Variants in CRB1 observed in about 807,000 individuals in gnomAD.
The protein encoded by CRB1 is protein crumbs homolog 1.
In CRB1, 83 loss-of-function variants were observed where a neutral mutation model predicts 120.0. The observed-to-expected ratio is 0.69, with a 90% CI of 0.58 to 0.83. The LOEUF is 0.83. CRB1 is among the 40% of genes least tolerant of loss of function. The probability of loss-of-function intolerance (pLI) is 0.00; values close to 1 mark genes in which losing one functional copy is unlikely to be tolerated. For synonymous variants in CRB1, 625 were observed against 612.5 expected (o/e 1.02, Z -0.30); for missense variants, 1,699 against 1,687.6 (o/e 1.01, Z -0.12).
rs577999992 is a variant in CRB1, at chr1:197,320,997, T to C, written c.71-7425T>C. On this transcript the variant is annotated intron_variant, in intron 1 of 11. Coordinates refer to ENST00000367400, the MANE Select transcript of CRB1 (RefSeq NM_201253.3). ...AGAAGGATGTCAGCAACCATGCATC[T>C]CCTTCTCTCTGATTTCAAACAGTAC... Among the ~76,000 whole-genome samples the C allele has an allele frequency of 1.8e-4, 28 of 152,322 alleles. No individual in the cohort carries two copies. In the South Asian group the frequency reaches 5.8e-3, roughly 32 times the overall value.
At chr1:197,269,813 G>A (rs1056880638) in intron 1 of CRB1, among the ~76,000 whole-genome samples, 1 of 152,160 alleles carries the variant, frequency 6.6e-6, no homozygotes, top group Admixed American at 6.5e-5. Flanking sequence ...TTAATTAAAA[G>A]TATAGTAACT....
At chr1:197,222,628 CA>C in the CRB1 span, 1 of 774,368 alleles carries the variant, frequency 1.3e-6, no homozygotes, top group Non-Finnish European at 2.4e-6. Flanking sequence ...GTAGGGAAGG[CA>C]AACTCAGTGT....
intron 10 of CRB1, 48 bp downstream of exon 10, chr1:197,438,723 G>A: frequency 6.2e-7 from 1 of 1,604,682 alleles, no homozygotes; most frequent in Non-Finnish European, 8.5e-7. Flanking sequence ...GCTAAAGAAT[G>A]ATGGGATTAC....
chr1:197,265,446 TTCTC>T (rs1264985322), upstream of CRB1, among the ~76,000 whole-genome samples: 10 of 151,876 alleles, frequency 6.6e-5, no homozygotes, highest in Admixed American at 2.6e-4. Flanking sequence ...CTCCTCCTCT[TTCTC>T]TCTCTGTCTT....
At chr1:197,460,191 C>T (rs1310671073) in intron 11 of CRB1, among the ~76,000 whole-genome samples, 1 of 151,762 alleles carries the variant, frequency 6.6e-6, no homozygotes, top group Non-Finnish European at 1.5e-5. Context: ...AGCAAATTCC[C>T]TGGATCAGCA....
chr1:197,292,833 A>G (rs549362714), intron 1 of CRB1, among the ~76,000 whole-genome samples: 1 of 152,314 alleles, frequency 6.6e-6, no homozygotes, highest in Admixed American at 6.5e-5. Context: ...CAATAGATAC[A>G]GAAAAGGCCT....
chr1:197,221,342 T>C, the CRB1 span, among the ~76,000 whole-genome samples: 13 of 152,186 alleles, frequency 8.5e-5, no homozygotes, highest in Admixed American at 2.6e-4. Context: ...ATTTGATAAC[T>C]ATAGAATTAG....
chr1:197,470,516 G>A (rs775273295), intron 11 of CRB1, among the ~76,000 whole-genome samples: 4 of 152,180 alleles, frequency 2.6e-5, no homozygotes, highest in African/African-American at 4.8e-5. Context: ...ATATAACTGA[G>A]TTTGAGCTGC....
intron 11 of CRB1, among the ~76,000 whole-genome samples, chr1:197,457,758 C>T (rs927032966): frequency 6.6e-6 from 1 of 152,096 alleles, no homozygotes; most frequent in Non-Finnish European, 1.5e-5. Context: ...CTCAGAAGAA[C>T]AAAAAGCACA....
intron 11 of CRB1, among the ~76,000 whole-genome samples, chr1:197,454,136 T>G (rs1050072386): frequency 6.6e-6 from 1 of 151,278 alleles, no homozygotes; most frequent in Non-Finnish European, 1.5e-5. Flanking sequence ...GTATAAAATT[T>G]TAATTATACA....
the CRB1 span, among the ~76,000 whole-genome samples, chr1:197,211,566 A>G: frequency 2.6e-3 from 390 of 152,280 alleles, 1 homozygote; most frequent in African/African-American, 8.8e-3. Context: ...GGCCTAAGCT[A>G]GTTACTTCTG....
the CRB1 span, among the ~76,000 whole-genome samples, chr1:197,228,355 G>A: frequency 4.6e-5 from 7 of 152,160 alleles, no homozygotes. Flanking sequence ...TTTGAATGCT[G>A]TGCTGCTTAG....
At chr1:197,433,686 G>T (rs1664986513) in intron 8 of CRB1, among the ~76,000 whole-genome samples, 1 of 152,084 alleles carries the variant, frequency 6.6e-6, no homozygotes, top group Admixed American at 6.6e-5. Flanking sequence ...ACACATATTT[G>T]TATATTGATG....
chr1:197,436,719 G>A (rs1471392334), intron 9 of CRB1, among the ~76,000 whole-genome samples: 1 of 152,054 alleles, frequency 6.6e-6, no homozygotes, highest in Non-Finnish European at 1.5e-5. Context: ...ATAATCATTT[G>A]TATGGCTCAC....
chr1:197,396,747 ATGCATGCAGCCATAT>A (rs1662792391), intron 5 of CRB1, among the ~76,000 whole-genome samples: 1 of 152,170 alleles, frequency 6.6e-6, no homozygotes, highest in Non-Finnish European at 1.5e-5. Flanking sequence ...AGCTAGCACA[ATGCATGCAGCCATAT>A]TGCAGGGAAA....
In CRB1 at chr1:197,427,654, C is replaced by T; in HGVS notation, c.2329C>T (p.Pro777Ser). 6.2e-7 allele frequency: 1 copy of T among 1,613,922 alleles called. No individual in the cohort carries two copies. The highest frequency in any genetic ancestry group is 8.5e-7 in the Non-Finnish European group (1 of 1,179,952). The part of the protein sequence containing the change: ...LERGRLAMLT[P>S]NSPKLVVKFV... The stretch of plus-strand genomic sequence containing the variant: ...GCGCGGCAGACTAGCAATGCTGACT[C>T]CAAACTCTCCCAAATTAGTAGTAAA... The change falls in exon 7 of 12, where the codon CCA becomes TCA. Residue 777 changes from proline (P) to serine (S), a missense_variant. Transcript: ENST00000367400.
intron 4 of CRB1, 88 bp from the exon 5 acceptor site, chr1:197,356,743 C>T (rs1660496822): frequency 1.5e-6 from 2 of 1,307,678 alleles, no homozygotes; most frequent in Admixed American, 3.7e-5. Context: ...TAAATCAATG[C>T]CAGTATAGCA....
chr1:197,351,281 A>C (rs1660081724), intron 4 of CRB1, among the ~76,000 whole-genome samples: 1 of 148,942 alleles, frequency 6.7e-6, no homozygotes, highest in Non-Finnish European at 1.5e-5. Flanking sequence ...AATCACTTGA[A>C]CCTGGGAGGC....
In CRB1 at chr1:197,402,065, G is replaced by C. The variant is rs577687542; in HGVS notation, c.1172-18935G>C. Among the ~76,000 whole-genome samples, 6 of 151,140 alleles carry C rather than the reference G, an allele frequency of 4.0e-5. No individual in the cohort carries two copies. In the South Asian group the frequency reaches 1.3e-3, roughly 32 times the overall value. ...TGTTTTCTTTTTAACTTTTATTTTGGGATTAGGAGTACATGTGCAGGTTTG... is the reference window on the plus strand; with the variant it reads ...TGTTTTCTTTTTAACTTTTATTTTGCGATTAGGAGTACATGTGCAGGTTTG... On this transcript the variant is annotated intron_variant, in intron 5 of 11. Transcript: ENST00000367400.
Sources: gnomAD v4.1 joint callset for allele counts (sites outside exome capture counted in the v4.1 genomes callset) on GRCh38, gnomAD v4.1.1 for gene constraint, MANE v1.5 for transcripts, NCBI Gene and HGNC (gene_info 2026-07-23, HGNC 2026-07-21) for gene names.